Variants in LTBP1 observed in about 807,000 individuals in gnomAD.
LTBP1 encodes the protein latent-transforming growth factor beta-binding protein 1.
In LTBP1, 129 loss-of-function variants were observed where a neutral mutation model predicts 207.6. The ratio of observed to expected loss-of-function variants is 0.62; its 90% CI spans 0.54 to 0.72. The LOEUF is 0.72. LTBP1 is among the 30% of genes least tolerant of loss of function. The pLI is 0.00. For synonymous variants in LTBP1, 963 were observed against 833.7 expected, an observed-to-expected ratio of 1.16 and a Z score of -2.67; for missense variants, 2,281 against 2,217.2, an observed-to-expected ratio of 1.03 and a Z score of -0.58.
At chr2:33,223,447 C>T (rs1255037827) in intron 9 of LTBP1, among the ~76,000 whole-genome samples, 2 of 152,104 alleles carry the variant, frequency 1.3e-5, no homozygotes, top group African/African-American at 4.8e-5. Context: ...ACACCCATGA[C>T]ACATTTTGAG....
chr2:33,199,833 A>C (rs985087130), intron 7 of LTBP1, among the ~76,000 whole-genome samples: 16 of 152,276 alleles, frequency 1.1e-4, no homozygotes, highest in Admixed American at 1.0e-3. Flanking sequence ...CACCAATAAC[A>C]GACAAACAGA....
chr2:33,341,072 CTTAA>C (rs2094613063), intron 24 of LTBP1, among the ~76,000 whole-genome samples: 1 of 119,306 alleles, frequency 8.4e-6, no homozygotes, highest in Non-Finnish European at 1.7e-5. Context: ...GTTACATTTT[CTTAA>C]TTGTTTCTCC....
chr2:33,347,665 G>A (rs1415176207), intron 26 of LTBP1, among the ~76,000 whole-genome samples, 155 bp downstream of exon 26: 2 of 152,210 alleles, frequency 1.3e-5, no homozygotes, highest in African/African-American at 4.8e-5. Context: ...TTCTGTGCCT[G>A]CCTTGTCAGT....
At chr2:33,157,490 T>G (rs1277407159) in intron 5 of LTBP1, among the ~76,000 whole-genome samples, 4 of 152,228 alleles carry the variant, frequency 2.6e-5, no homozygotes, top group African/African-American at 9.6e-5. Context: ...ATCTCATTCA[T>G]TCTTTTCATT....
rs574809572 is a variant in LTBP1, at chr2:32,992,090, T to C, written c.566-28819T>C. On this transcript the variant is annotated intron_variant, in intron 2 of 33. Coordinates refer to ENST00000404816, the MANE Select transcript of LTBP1 (RefSeq NM_206943.4). The stretch of plus-strand genomic sequence containing the variant: ...TTCTCTCCGATAAGATCTTACGATA[T>C]CTGCTCAATTCAACAAGTTGAGAAT... Among the ~76,000 whole-genome samples the C allele has an allele frequency of 1.3e-5, 2 of 152,306 alleles. 1 individual carries two copies. Among genetic ancestry groups the C allele is most frequent in the South Asian group, 4.1e-4 (2 of 4,830 alleles).
chr2:33,303,989 TGGAGG>T (rs1217474814), intron 22 of LTBP1, among the ~76,000 whole-genome samples: 1 of 152,242 alleles, frequency 6.6e-6, no homozygotes, highest in African/African-American at 2.4e-5. Flanking sequence ...TGATGTTCAT[TGGAGG>T]GCATGTTCCT....
intron 2 of LTBP1, among the ~76,000 whole-genome samples, chr2:33,019,178 T>A (rs925249597): frequency 2.0e-5 from 3 of 152,028 alleles, no homozygotes; most frequent in Non-Finnish European, 2.9e-5. Flanking sequence ...GTGATCTGCC[T>A]CAGGACCAAC....
intron 4 of LTBP1, among the ~76,000 whole-genome samples, chr2:33,120,626 C>A (rs752462391): frequency 1.3e-5 from 2 of 152,004 alleles, no homozygotes; most frequent in Non-Finnish European, 2.9e-5. Context: ...TCTTTGCTAT[C>A]GTGAATAGTG....
chr2:33,238,837 T>C (rs1426355251), intron 9 of LTBP1, among the ~76,000 whole-genome samples: 1 of 152,212 alleles, frequency 6.6e-6, no homozygotes, highest in Non-Finnish European at 1.5e-5. Context: ...AGAATCCTGA[T>C]GAGGTAGAAG....
intron 3 of LTBP1, among the ~76,000 whole-genome samples, chr2:33,102,476 T>A (rs571552035): frequency 6.6e-6 from 1 of 152,354 alleles, no homozygotes; most frequent in Admixed American, 6.5e-5. Flanking sequence ...GTTGTGTTGA[T>A]CATGTTTCTT....
chr2:33,306,962 C>T (rs1012533386), intron 22 of LTBP1, among the ~76,000 whole-genome samples: 1 of 152,060 alleles, frequency 6.6e-6, no homozygotes, highest in Non-Finnish European at 1.5e-5. Flanking sequence ...GTGGTGGGCG[C>T]CTGTAGTCCC....
At chr2:32,959,599 A>ATG (rs1392400118) in intron 2 of LTBP1, among the ~76,000 whole-genome samples, 23 of 52,502 alleles carry the variant, frequency 4.4e-4, no homozygotes, top group African/African-American at 1.3e-3. Flanking sequence ...ATGTACGTGT[A>ATG]TATATATATA....
intron 5 of LTBP1, among the ~76,000 whole-genome samples, chr2:33,138,927 C>T (rs1427615035): frequency 3.0e-5 from 4 of 132,460 alleles, no homozygotes; most frequent in Admixed American, 8.6e-5. Context: ...GGCGCGATCT[C>T]GGCTCACTGC....
intron 5 of LTBP1, among the ~76,000 whole-genome samples, chr2:33,181,519 C>T (rs76443742): frequency 2.0e-5 from 3 of 152,332 alleles, no homozygotes; most frequent in Non-Finnish European, 2.9e-5. Flanking sequence ...CCGTGAGATA[C>T]TTTGAGTGAC....
intron 4 of LTBP1, among the ~76,000 whole-genome samples, chr2:33,115,126 A>G (rs1309694996): frequency 1.4e-5 from 2 of 138,514 alleles, no homozygotes; most frequent in African/African-American, 2.9e-5. Context: ...ACACATATAT[A>G]TACACACACA....
At chr2:33,333,645 C>T (rs533159890) in intron 24 of LTBP1, among the ~76,000 whole-genome samples, 10 of 152,026 alleles carry the variant, frequency 6.6e-5, no homozygotes, top group South Asian at 2.1e-4. Flanking sequence ...GGTAAAAAAA[C>T]GAAGCAATTT....
At chr2:33,080,333 C>A (rs148808154) in intron 3 of LTBP1, among the ~76,000 whole-genome samples, 88 of 152,250 alleles carry the variant, frequency 5.8e-4, no homozygotes, top group African/African-American at 2.0e-3. Context: ...CATCCCAGAC[C>A]ACATGTTTTA....
chr2:33,165,914 G>A (rs893781217), intron 5 of LTBP1, among the ~76,000 whole-genome samples: 2 of 152,166 alleles, frequency 1.3e-5, no homozygotes, highest in African/African-American at 4.8e-5. Flanking sequence ...TTCCAGCTTT[G>A]ATGGTATGGA....
intron 24 of LTBP1, among the ~76,000 whole-genome samples, chr2:33,331,960 A>G (rs1446675324): frequency 6.6e-6 from 1 of 152,184 alleles, no homozygotes; most frequent in African/African-American, 2.4e-5. Flanking sequence ...ATTAATAATT[A>G]TCAGTAGCAT....
Sources: gnomAD v4.1 joint callset for allele counts (sites outside exome capture counted in the v4.1 genomes callset) on GRCh38, gnomAD v4.1.1 for gene constraint, MANE v1.5 for transcripts, NCBI Gene and HGNC (gene_info 2026-07-23, HGNC 2026-07-21) for gene names.